MTCL1: variants seen among roughly 807,000 people sequenced by gnomAD.
MTCL1 encodes the protein microtubule cross-linking factor 1.
MTCL1 carries 79 observed loss-of-function variants against 141.4 expected under a neutral mutation model. The observed-to-expected ratio is 0.56, with a 90% CI of 0.47 to 0.67. MTCL1 has a LOEUF of 0.67. MTCL1 is among the 30% of genes least tolerant of loss of function. The pLI, the probability that MTCL1 is intolerant of heterozygous loss-of-function variation, is 0.00. For missense variants in MTCL1, 2,177 were observed against 2,113.9 expected (o/e 1.03, Z -0.59); for synonymous variants, 914 against 875.8 (o/e 1.04, Z -0.77).
chr18:8,830,038 A>G lies in MTCL1; in HGVS notation c.*18+1074A>G. The G allele has an allele frequency of 1.0e-6, 1 of 985,476 alleles. No homozygotes were observed. The highest frequency in any genetic ancestry group is 1.2e-6 in the Non-Finnish European group (1 of 830,000). The allele number at this position is 985,476 out of a possible 1,614,324, so 61.0% of individuals were successfully genotyped here. On this transcript the variant is annotated intron_variant, in intron 16 of 16. Coordinates refer to ENST00000359865, the Ensembl canonical transcript of MTCL1. This position sits in a 1 kb window ranked among gnomAD's most constrained non-coding sequence, Gnocchi z 6.4. ...ATGACAGCAGCTTCACCAACACACA[A>G]CACACACAGAACAGATACACAATAC...
At chr18:8,812,872 C>T in intron 11 of MTCL1, 107 bp from the exon 11 acceptor site, 1 of 1,424,668 alleles carries the variant, frequency 7.0e-7, no homozygotes. Flanking sequence ...TTGGTCAAAT[C>T]TTGGTTTAAA....
intron 4 of MTCL1, among the ~76,000 whole-genome samples, chr18:8,747,926 G>C (rs1158302156): frequency 1.3e-5 from 2 of 152,160 alleles, no homozygotes; most frequent in Non-Finnish European, 2.9e-5. Context: ...TCCTCCTTGT[G>C]TGCCCCATGC....
In MTCL1 at chr18:8,768,711, A is replaced by T. The variant is rs560236019; in HGVS notation, c.358-9122A>T. ...GCTTTATTTCATGAAACTAGGAAATAATTTGCCTCTCTTGATGGACTGGTA... is the reference window on the plus strand; with the variant it reads ...GCTTTATTTCATGAAACTAGGAAATTATTTGCCTCTCTTGATGGACTGGTA... On this transcript the variant is annotated intron_variant, in intron 4 of 16. Transcript: ENST00000359865. Among the ~76,000 whole-genome samples the T allele has an allele frequency of 4.0e-5, 6 of 151,776 alleles. No homozygotes were observed. In the East Asian group the frequency reaches 1.2e-3, roughly 29 times the overall value.
upstream of MTCL1, among the ~76,000 whole-genome samples, chr18:8,714,577 G>A (rs975266564): frequency 2.0e-5 from 3 of 152,152 alleles, no homozygotes; most frequent in Non-Finnish European, 4.4e-5. Context: ...ATGGAGGCAC[G>A]TAAGAACGTG....
rs1165562666 is a variant in MTCL1, at chr18:8,756,505, GTA to G, written c.358-21320_358-21319del. ...TGTGTGTATATATGTATATATGTGTGTATATATATGTGTGTATATATGTGTGT... is the reference window on the plus strand; with the variant it reads ...TGTGTGTATATATGTATATATGTGTGTATATATGTGTGTATATATGTGTGT... On this transcript the variant is annotated intron_variant, in intron 4 of 16. Coordinates refer to ENST00000359865, the Ensembl canonical transcript of MTCL1. 1.3e-4 allele frequency among the ~76,000 whole-genome samples: 19 copies of G among 150,220 alleles called. No individual in the cohort carries two copies. In the South Asian group the frequency reaches 1.9e-3, roughly 15 times the overall value.
chr18:8,813,364 G>A (rs1264171567), intron 12 of MTCL1, 131 bp downstream of exon 11: 6 of 1,133,914 alleles, frequency 5.3e-6, no homozygotes, highest in South Asian at 3.3e-5. Context: ...CAAAGGAAGA[G>A]AGAGAAATTC....
chr18:8,760,383 A>C (rs2096425479), intron 4 of MTCL1, among the ~76,000 whole-genome samples: 1 of 152,164 alleles, frequency 6.6e-6, no homozygotes, highest in African/African-American at 2.4e-5. Context: ...TCAAATATAA[A>C]ATGTTGGCTG....
chr18:8,726,499 GCGCGCGCGCA>G (rs1233584268), intron 4 of MTCL1, among the ~76,000 whole-genome samples: 981 of 88,792 alleles, frequency 0.011, 8 homozygotes, highest in Admixed American at 0.022. Flanking sequence ...GAGAGAGCGC[GCGCGCGCGCA>G]AGAGCGAGCG....
rs1421217856 is a variant in MTCL1 at position 8,770,128 on chromosome 18, C to T, written c.358-7705C>T. ...AGTCCTGGAAGGTAGCTCTGAGGGT[C>T]TGAGGGCTGTGACCTTGAATGTAGG... On this transcript the variant is annotated intron_variant, in intron 4 of 16. Coordinates refer to ENST00000359865, the Ensembl canonical transcript of MTCL1. Among the ~76,000 whole-genome samples the T allele has an allele frequency of 2.6e-5, 4 of 152,320 alleles. No homozygotes were observed. The South Asian group carries it at 8.3e-4, about 32-fold the overall frequency.
At chr18:8,707,926 G>C (rs1162553748) in intron 1 of MTCL1, among the ~76,000 whole-genome samples, 10 of 152,228 alleles carry the variant, frequency 6.6e-5, no homozygotes, top group Non-Finnish European at 5.9e-5. Flanking sequence ...ACTGAGCCTT[G>C]TGGTTATTTT....
intron 4 of MTCL1, among the ~76,000 whole-genome samples, chr18:8,747,684 G>A (rs546969651): frequency 6.6e-6 from 1 of 152,206 alleles, no homozygotes. Flanking sequence ...GGTAGCACTT[G>A]AACATATCTT....
At chr18:8,760,109 A>G (rs2096423389) in intron 4 of MTCL1, among the ~76,000 whole-genome samples, 1 of 152,204 alleles carries the variant, frequency 6.6e-6, no homozygotes, top group African/African-American at 2.4e-5. Flanking sequence ...CTTCTGGAAC[A>G]TGGGCTCACC....
chr18:8,755,476 G>A (rs748346525), intron 4 of MTCL1, among the ~76,000 whole-genome samples: 5 of 152,102 alleles, frequency 3.3e-5, no homozygotes, highest in Non-Finnish European at 5.9e-5. Context: ...GATGAACCAA[G>A]CCAGCTGTCA....
chr18:8,780,005 A>G (rs1026650007), intron 5 of MTCL1, among the ~76,000 whole-genome samples: 1 of 152,112 alleles, frequency 6.6e-6, no homozygotes, highest in African/African-American at 2.4e-5. Context: ...CCAGAAATCA[A>G]GGTGATTTGA....
intron 4 of MTCL1, among the ~76,000 whole-genome samples, chr18:8,745,265 G>A (rs2096329952): frequency 6.6e-6 from 1 of 152,224 alleles, no homozygotes; most frequent in Admixed American, 6.5e-5. Context: ...AAGTATGTCT[G>A]TCCCCCATTA....
At chr18:8,724,368 G>A (rs574832854) in intron 4 of MTCL1, among the ~76,000 whole-genome samples, 3 of 152,106 alleles carry the variant, frequency 2.0e-5, no homozygotes, top group Non-Finnish European at 4.4e-5. Flanking sequence ...CCGAGATCGC[G>A]CCATTGCACT....
intron 4 of MTCL1, among the ~76,000 whole-genome samples, chr18:8,750,481 G>C (rs563968794): frequency 6.6e-6 from 1 of 152,306 alleles, no homozygotes; most frequent in Non-Finnish European, 1.5e-5. Flanking sequence ...GCACCATGCA[G>C]AAAAGGCTGG....
At chr18:8,729,889 A>C (rs2096241778) in intron 4 of MTCL1, among the ~76,000 whole-genome samples, 1 of 151,944 alleles carries the variant, frequency 6.6e-6, no homozygotes, top group Non-Finnish European at 1.5e-5. Context: ...CTACATCCTG[A>C]ATATTTTCTC....
chr18:8,762,920 C>T (rs1345098045), intron 4 of MTCL1, among the ~76,000 whole-genome samples: 1 of 152,198 alleles, frequency 6.6e-6, no homozygotes, highest in Admixed American at 6.5e-5. Context: ...TCTGTTGTTA[C>T]AGTGGCTGTT....
Sources: gnomAD v4.1 joint callset for allele counts (sites outside exome capture counted in the v4.1 genomes callset) on GRCh38, gnomAD v4.1.1 for gene constraint, Gnocchi (gnomAD v3.1) non-coding constraint, MANE v1.5 for transcripts, NCBI Gene and HGNC (gene_info 2026-07-23, HGNC 2026-07-21) for gene names.